Variants in ARID5B observed in about 807,000 individuals in gnomAD.
ARID5B encodes the protein AT-rich interaction domain 5B, also known as AT-rich interactive domain-containing protein 5B.
Under a neutral mutation model 97.2 loss-of-function variants are expected in ARID5B, and 13 were observed. That is an observed-to-expected ratio of 0.13 (90% CI 0.09 to 0.21). The LOEUF is 0.21. ARID5B is among the 10% of genes least tolerant of loss of function. ARID5B has a pLI of 1.00. For synonymous variants in ARID5B, 556 were observed against 570.3 expected (o/e 0.97, Z 0.36); for missense variants, 1,210 against 1,465.3 (o/e 0.83, Z 2.84).
intron 5 of ARID5B, 138 bp downstream of exon 5, chr10:62,051,138 C>T (rs1313050706): frequency 1.3e-6 from 1 of 779,128 alleles, no homozygotes; most frequent in South Asian, 1.5e-5. Context: ...TTTTGAAGCT[C>T]TATGCTGTGC....
intron 3 of ARID5B, among the ~76,000 whole-genome samples, chr10:61,961,457 TCAA>T (rs1400024877): frequency 6.6e-6 from 1 of 152,196 alleles, no homozygotes; most frequent in Non-Finnish European, 1.5e-5. Context: ...AAGCCTCGTG[TCAA>T]CAACAAGCTA....
intron 4 of ARID5B, among the ~76,000 whole-genome samples, chr10:62,032,148 C>CT (rs1342960403): frequency 6.6e-6 from 1 of 152,016 alleles, no homozygotes; most frequent in Non-Finnish European, 1.5e-5. Flanking sequence ...GACTCTGTCT[C>CT]TAAAAATATA....
rs114591449 is a variant in ARID5B at position 61,938,043 on chromosome 10, G to A, written c.277-2140G>A. Among the ~76,000 whole-genome samples, 1,484 of 152,182 alleles carry A rather than the reference G, an allele frequency of 9.8e-3. 25 individuals carry two copies. Among genetic ancestry groups the A allele is most frequent in the African/African-American group, 0.033 (1,369 of 41,508 alleles). ...GTTTATGGCTTATGCATGTTTATGT[G>A]AATTCCTGCATTTGTTTTTATGTGT... is the stretch of plus-strand genomic sequence containing the variant. On this transcript the variant is annotated intron_variant, in intron 2 of 9. Transcript: ENST00000279873.
intron 2 of ARID5B, among the ~76,000 whole-genome samples, chr10:61,921,663 C>T (rs7068223): frequency 0.5 from 75,944 of 151,874 alleles, 19,444 homozygotes; most frequent in African/African-American, 0.6. Context: ...TAGCCCACAC[C>T]CAAGAGCAGG....
At chr10:62,064,321 C>T (rs1839959042) in intron 7 of ARID5B, among the ~76,000 whole-genome samples, 1 of 152,194 alleles carries the variant, frequency 6.6e-6, no homozygotes, top group Non-Finnish European at 1.5e-5. Flanking sequence ...AGTCATCTTC[C>T]TTGAATTCAG....
At chr10:62,008,096 A>G (rs1839170612) in intron 4 of ARID5B, among the ~76,000 whole-genome samples, 1 of 135,404 alleles carries the variant, frequency 7.4e-6, no homozygotes, top group East Asian at 2.3e-4. Flanking sequence ...ACACACACAC[A>G]CACTGCCACA....
intron 3 of ARID5B, among the ~76,000 whole-genome samples, chr10:61,991,041 T>TATACAC (rs1554842858): frequency 0.016 from 2,299 of 145,148 alleles, 59 homozygotes; most frequent in African/African-American, 0.056. Flanking sequence ...ATTTATCCTG[T>TATACAC]ACACACACAC....
At position 62,049,426 on chromosome 10, in the gene ARID5B, T is replaced by C. The variant is rs565220103; in HGVS notation, c.734-1462T>C. The C allele has an allele frequency of 1.1e-5, 17 of 1,550,478 alleles. No homozygotes were observed. The Admixed American group carries it at 2.2e-4, about 20-fold the overall frequency. On this transcript the variant is annotated intron_variant, in intron 4 of 9. Transcript: ENST00000279873. ...GGGATGTGGCCGGGGAGCAGTCACA[T>C]GCTGTAGCTTTCATGAGCACAGGCA...
At chr10:62,025,256 T>C (rs978749262) in intron 4 of ARID5B, 1 of 152,222 alleles carries the variant, frequency 6.6e-6, no homozygotes, top group African/African-American at 2.4e-5. Context: ...CACAGTGTTT[T>C]CCACACAGTT....
At chr10:61,983,310 A>G (rs2132847776) in intron 3 of ARID5B, among the ~76,000 whole-genome samples, 1 of 152,332 alleles carries the variant, frequency 6.6e-6, no homozygotes, top group South Asian at 2.1e-4. Flanking sequence ...GAATTGAAGA[A>G]TTGCAATGGC....
intron 2 of ARID5B, among the ~76,000 whole-genome samples, chr10:61,909,318 G>GTTTTTTTTTTTTTTTT (rs777612375): frequency 1.3e-5 from 1 of 77,260 alleles, no homozygotes; most frequent in Admixed American, 1.8e-4. Context: ...TATTCAGTGA[G>GTTTTTTTTTTTTTTTT]TTTTTTTTTT....
At chr10:61,940,464 G>C in intron 3 of ARID5B, 56 bp downstream of exon 3, 2 of 1,462,240 alleles carry the variant, frequency 1.4e-6, no homozygotes, top group Non-Finnish European at 1.9e-6. Flanking sequence ...GTAACTTTTC[G>C]GTTGAAGATT....
At chr10:62,082,393 C>T (rs1201256220) in intron 8 of ARID5B, among the ~76,000 whole-genome samples, 2 of 152,102 alleles carry the variant, frequency 1.3e-5, no homozygotes, top group African/African-American at 4.8e-5. Context: ...GCTTCTCTTC[C>T]CCATTACTTC....
At chr10:61,991,384 A>ACGGG (rs1366804956) in intron 3 of ARID5B, among the ~76,000 whole-genome samples, 8 of 152,174 alleles carry the variant, frequency 5.3e-5, no homozygotes, top group Non-Finnish European at 1.0e-4. Flanking sequence ...TTTTTATAAT[A>ACGGG]GTCATCCTAC....
intron 4 of ARID5B, among the ~76,000 whole-genome samples, chr10:62,032,523 T>C (rs1839510063): frequency 6.6e-6 from 1 of 152,066 alleles, no homozygotes; most frequent in South Asian, 2.1e-4. Flanking sequence ...GAGACCAGCC[T>C]GGCCAACATG....
chr10:61,917,618 A>T lies in ARID5B; in HGVS notation c.276+15205A>T, dbSNP rs140974640. Among the ~76,000 whole-genome samples, 258 of 152,310 alleles carry T rather than the reference A, an allele frequency of 1.7e-3. 1 individual carries two copies. The highest frequency in any genetic ancestry group is 5.9e-3 in the African/African-American group (244 of 41,560). On this transcript the variant is annotated intron_variant, in intron 2 of 9. Coordinates refer to ENST00000279873, the MANE Select transcript of ARID5B (RefSeq NM_032199.3). ...CAAACAAAATGTGTCTTCTGTCCAG[A>T]TGTGGCCCACAGGCTGCCACCTTGC...
At chr10:61,919,810 G>T (rs879641088) in intron 2 of ARID5B, among the ~76,000 whole-genome samples, 1 of 152,056 alleles carries the variant, frequency 6.6e-6, no homozygotes, top group Non-Finnish European at 1.5e-5. Flanking sequence ...TAACTATCTG[G>T]ACAGACAAGA....
In ARID5B at chr10:62,092,786, A is replaced by G. The variant is rs770993100; in HGVS notation, c.3323A>G (p.Asn1108Ser). The G allele has an allele frequency of 6.2e-7, 1 of 1,613,916 alleles. No individual in the cohort carries two copies. Among genetic ancestry groups the G allele is most frequent in the South Asian group, 1.1e-5 (1 of 91,060 alleles). Residue 1108 changes from asparagine (N) to serine (S), a missense_variant, in exon 10 of 10, where the codon AAC becomes AGC. Coordinates refer to ENST00000279873, the MANE Select transcript of ARID5B (RefSeq NM_032199.3). ...GYSHSLQYLK[N>S]QTVLSPLMQP... is the part of the protein sequence containing the mutation. ...TCTCATTCTCTGCAGTACTTGAAAAACCAGACTGTGCTTTCTCCACTCATG... is the reference window on the plus strand; with the variant it reads ...TCTCATTCTCTGCAGTACTTGAAAAGCCAGACTGTGCTTTCTCCACTCATG...
At position 62,093,258 on chromosome 10, in the gene ARID5B, G is replaced by A. The variant is rs768016514; in HGVS notation, c.*228G>A. On this transcript the variant is annotated 3_prime_UTR_variant, in exon 10 of 10. Coordinates refer to ENST00000279873, the MANE Select transcript of ARID5B (RefSeq NM_032199.3). ...GTCTTGACTCCCTTCCAACACAGATGCCCAGGCACCTCCAGATCATTCACT... is the reference window on the plus strand; with the variant it reads ...GTCTTGACTCCCTTCCAACACAGATACCCAGGCACCTCCAGATCATTCACT... 1.2e-4 allele frequency: 63 copies of A among 518,298 alleles called. No individual in the cohort carries two copies. The highest frequency in any genetic ancestry group is 1.7e-4 in the Non-Finnish European group (52 of 307,046). 32.1% of individuals were successfully genotyped at this position (518,298 alleles called of 1,614,324 possible). A position where few individuals can be genotyped will look rare whatever the true frequency, so the allele number is the denominator to read the frequency against.
Sources: gnomAD v4.1 joint callset for allele counts (sites outside exome capture counted in the v4.1 genomes callset) on GRCh38, gnomAD v4.1.1 for gene constraint, MANE v1.5 for transcripts, NCBI Gene and HGNC (gene_info 2026-07-23, HGNC 2026-07-21) for gene names.